Variants in TXK observed in about 807,000 individuals in gnomAD.
The protein encoded by TXK is tyrosine-protein kinase TXK.
Under a neutral mutation model 81.0 loss-of-function variants are expected in TXK, and 60 were observed. That is an observed-to-expected ratio of 0.74 (90% CI 0.60 to 0.92). The LOEUF (loss-of-function observed/expected upper bound fraction) is 0.92, where lower values mean the gene tolerates loss of function less well. TXK is among the 40% of genes least tolerant of loss of function. The pLI is 0.00. For missense variants in TXK, 581 were observed against 638.3 expected, an observed-to-expected ratio of 0.91 and a Z score of 0.97; for synonymous variants, 203 against 210.7, an observed-to-expected ratio of 0.96 and a Z score of 0.32.
chr4:48,096,825 G>A (rs1718000611), intron 6 of TXK, among the ~76,000 whole-genome samples: 1 of 152,184 alleles, frequency 6.6e-6, no homozygotes, highest in African/African-American at 2.4e-5. Context: ...CACCATGCCC[G>A]GCCTTTTAAA....
chr4:48,090,757 GA>G (rs1228436567), intron 8 of TXK, among the ~76,000 whole-genome samples: 2 of 152,126 alleles, frequency 1.3e-5, no homozygotes, highest in African/African-American at 4.8e-5. Flanking sequence ...GCACACACAA[GA>G]AAAAGTAGAT....
chr4:48,128,384 T>C (rs934918021), intron 1 of TXK, among the ~76,000 whole-genome samples: 3 of 152,128 alleles, frequency 2.0e-5, no homozygotes, highest in Non-Finnish European at 4.4e-5. Context: ...TTGCAGTTGA[T>C]GGGCTGTGGT....
At chr4:48,107,794 G>A (rs1718503043) in intron 5 of TXK, among the ~76,000 whole-genome samples, 2 of 151,762 alleles carry the variant, frequency 1.3e-5, no homozygotes, top group Admixed American at 6.6e-5. Context: ...CGGGCGCGGT[G>A]GCTCACGCCT....
intron 10 of TXK, 28 bp downstream of exon 10, chr4:48,086,438 T>C (rs780056046): frequency 1.9e-5 from 30 of 1,611,180 alleles, no homozygotes; most frequent in East Asian, 1.6e-4. Context: ...CATGGTATGA[T>C]ATTTATCAGG....
intron 14 of TXK, among the ~76,000 whole-genome samples, chr4:48,071,051 C>T (rs1716829746): frequency 6.6e-6 from 1 of 151,704 alleles, no homozygotes; most frequent in South Asian, 2.1e-4. Flanking sequence ...AGGCATGCAC[C>T]ACCACGCCCG....
intron 1 of TXK, among the ~76,000 whole-genome samples, chr4:48,117,692 C>T (rs1430919623): frequency 6.6e-6 from 1 of 152,202 alleles, no homozygotes; most frequent in Non-Finnish European, 1.5e-5. Flanking sequence ...CTCCAATCTC[C>T]ACTGCTTTGT....
chr4:48,088,445 C>T (rs1402252284), intron 9 of TXK, among the ~76,000 whole-genome samples: 1 of 152,156 alleles, frequency 6.6e-6, no homozygotes, highest in Non-Finnish European at 1.5e-5. Context: ...AGAAGCATGG[C>T]TAAATCAGTT....
intron 6 of TXK, among the ~76,000 whole-genome samples, chr4:48,098,951 A>C (rs1284940570): frequency 6.6e-6 from 1 of 152,144 alleles, no homozygotes; most frequent in Non-Finnish European, 1.5e-5. Flanking sequence ...TACAAACAAA[A>C]AAAAAATGGG....
intron 14 of TXK, among the ~76,000 whole-genome samples, 178 bp downstream of exon 14, chr4:48,071,339 A>C (rs80255678): frequency 6.6e-6 from 1 of 152,126 alleles, no homozygotes; most frequent in Admixed American, 6.5e-5. Flanking sequence ...GTTCAAAACA[A>C]AATGGATTCA....
chr4:48,107,880 G>C (rs946982582), intron 5 of TXK, among the ~76,000 whole-genome samples: 2 of 145,602 alleles, frequency 1.4e-5, no homozygotes, highest in Non-Finnish European at 3.0e-5. Context: ...GGCTAACACC[G>C]TGAAACTCTG....
intron 1 of TXK, among the ~76,000 whole-genome samples, chr4:48,129,924 G>T (rs560773941): frequency 6.6e-6 from 1 of 152,320 alleles, no homozygotes; most frequent in Non-Finnish European, 1.5e-5. Flanking sequence ...CAAGGCACAC[G>T]GGCGTGGCTG....
chr4:48,107,820 T>C (rs1399212540), intron 5 of TXK, among the ~76,000 whole-genome samples: 1 of 149,794 alleles, frequency 6.7e-6, no homozygotes, highest in Admixed American at 6.6e-5. Flanking sequence ...CCCAGCACTT[T>C]GGGAGGTAGA....
At chr4:48,126,603 C>T (rs1190392112) in intron 1 of TXK, among the ~76,000 whole-genome samples, 4 of 152,088 alleles carry the variant, frequency 2.6e-5, no homozygotes, top group Admixed American at 1.3e-4. Flanking sequence ...CAGGTTCAAG[C>T]GATTCTCCTG....
At position 48,113,249 on chromosome 4, in the gene TXK, C is replaced by T. The variant is rs1178495282; in HGVS notation, c.132G>A (p.Gln44=). The part of the protein sequence containing the change: ...TDEELPEKYT[Q]RRRPWLSQLS... The stretch of plus-strand genomic sequence containing the variant: ...ATTGGCTGAGCCACGGCCTGCGACG[C>T]TGGGTGTATTTTTCTGGAAGCTCTT... The change falls in exon 3 of 15, where the codon CAG becomes CAA. Residue 44 remains glutamine, a synonymous_variant. Coordinates refer to ENST00000264316, the MANE Select transcript of TXK (RefSeq NM_003328.3). The T allele has an allele frequency of 1.4e-5, 22 of 1,613,526 alleles. No individual in the cohort carries two copies. The highest frequency in any genetic ancestry group is 1.9e-5 in the Non-Finnish European group (22 of 1,179,700).
At chr4:48,072,118 T>G (rs556993124) in intron 13 of TXK, among the ~76,000 whole-genome samples, 5 of 152,016 alleles carry the variant, frequency 3.3e-5, no homozygotes, top group Admixed American at 3.3e-4. Flanking sequence ...ATTCTTCTGC[T>G]TCAGCCTCCT....
At chr4:48,108,137 T>C (rs1352560897) in intron 5 of TXK, among the ~76,000 whole-genome samples, 1 of 152,102 alleles carries the variant, frequency 6.6e-6, no homozygotes, top group African/African-American at 2.4e-5. Context: ...TTAATGTCTG[T>C]TTTTCCCCAA....
rs544353906 is a variant in TXK, at chr4:48,117,494, C to T, written c.17-3092G>A. Reference sequence around the variant, plus strand: ...TCACCCCAGCTACATTGACCCCCTTCAGGGCCTATAAATTCAGTAGTACAA... The same window carrying T: ...TCACCCCAGCTACATTGACCCCCTTTAGGGCCTATAAATTCAGTAGTACAA... On this transcript the variant is annotated intron_variant, in intron 1 of 14. Coordinates refer to ENST00000264316, the MANE Select transcript of TXK (RefSeq NM_003328.3). 5.3e-4 allele frequency among the ~76,000 whole-genome samples: 81 copies of T among 152,332 alleles called. 2 individuals are homozygous for T. In the South Asian group the frequency reaches 0.016, roughly 30 times the overall value.
At chr4:48,122,511 C>G (rs1018187117) in intron 1 of TXK, among the ~76,000 whole-genome samples, 1 of 152,208 alleles carries the variant, frequency 6.6e-6, no homozygotes, top group Admixed American at 6.5e-5. Flanking sequence ...CTCTGCTCTA[C>G]TTTTTCTTTC....
intron 1 of TXK, 122 bp downstream of exon 1, chr4:48,134,033 G>A (rs1325525247): frequency 1.9e-6 from 2 of 1,054,776 alleles, no homozygotes; most frequent in Non-Finnish European, 2.7e-6. Context: ...AACATCTGAG[G>A]AAATTATCTT....
Sources: gnomAD v4.1 joint callset for allele counts (sites outside exome capture counted in the v4.1 genomes callset) on GRCh38, gnomAD v4.1.1 for gene constraint, MANE v1.5 for transcripts, NCBI Gene and HGNC (gene_info 2026-07-23, HGNC 2026-07-21) for gene names.